The following SLC9D1 variants were observed in gnomAD, a reference collection of about 807,000 sequenced individuals.
SLC9D1 encodes solute carrier family 9 member D1, also known as putative LAG1-interacting protein.
chr13:113,549,621 A>G, the SLC9D1 span: 1 of 1,570,606 alleles, frequency 6.4e-7, no homozygotes, highest in Non-Finnish European at 8.8e-7. Flanking sequence ...CCTTCTGGGA[A>G]GCTCGCACCT....
chr13:113,517,326 G>T, the SLC9D1 span, among the ~76,000 whole-genome samples: 19 of 152,056 alleles, frequency 1.2e-4, no homozygotes, highest in African/African-American at 2.2e-4. Context: ...TCCACCTCCC[G>T]GGTTCACGCC....
At chr13:113,503,578 A>G in the SLC9D1 span, 1 of 1,612,638 alleles carries the variant, frequency 6.2e-7, no homozygotes, top group Non-Finnish European at 8.5e-7. Flanking sequence ...TCTCCAGAAA[A>G]GCTAAGAAAG....
the SLC9D1 span, among the ~76,000 whole-genome samples, chr13:113,525,481 C>T: frequency 6.6e-6 from 1 of 152,266 alleles, no homozygotes; most frequent in Non-Finnish European, 1.5e-5. Flanking sequence ...ACTCCTTCTA[C>T]TTATAAAGAG....
At chr13:113,532,484 C>T in the SLC9D1 span, among the ~76,000 whole-genome samples, 3 of 152,076 alleles carry the variant, frequency 2.0e-5, no homozygotes, top group African/African-American at 7.2e-5. Context: ...TCCCAGCGTC[C>T]AGGAGCTGAT....
At chr13:113,493,231 G>A in the SLC9D1 span, among the ~76,000 whole-genome samples, 1 of 152,216 alleles carries the variant, frequency 6.6e-6, no homozygotes, top group African/African-American at 2.4e-5. Flanking sequence ...GATTGAGGAA[G>A]GAACCAGAAA....
At chr13:113,514,962 C>T in the SLC9D1 span, among the ~76,000 whole-genome samples, 1 of 152,210 alleles carries the variant, frequency 6.6e-6, no homozygotes, top group Non-Finnish European at 1.5e-5. Flanking sequence ...GAGCAGTCCT[C>T]CTGCCTCGGC....
At chr13:113,496,086 G>C in the SLC9D1 span, 118 of 1,046,330 alleles carry the variant, frequency 1.1e-4, no homozygotes, top group Non-Finnish European at 1.5e-4. Flanking sequence ...AAGAGAGAGG[G>C]AGAGTGCGTG....
At chr13:113,525,979 C>T in the SLC9D1 span, among the ~76,000 whole-genome samples, 1 of 151,640 alleles carries the variant, frequency 6.6e-6, no homozygotes, top group African/African-American at 2.4e-5. Flanking sequence ...TAGGAGACGA[C>T]AGCTCTGTGC....
chr13:113,525,573 G>A, the SLC9D1 span, among the ~76,000 whole-genome samples: 1 of 130,020 alleles, frequency 7.7e-6, no homozygotes, highest in South Asian at 2.2e-4. Flanking sequence ...GGAGACGACA[G>A]CTCTGTGCCG....
At chr13:113,532,095 A>G in the SLC9D1 span, among the ~76,000 whole-genome samples, 2 of 152,076 alleles carry the variant, frequency 1.3e-5, no homozygotes, top group African/African-American at 4.8e-5. Context: ...TAGGTGGCAC[A>G]CAGTGCTCTG....
At chr13:113,534,149 G>A in the SLC9D1 span, 543 of 1,613,816 alleles carry the variant, frequency 3.4e-4, 2 homozygotes, top group Admixed American at 1.5e-3. Flanking sequence ...TATCTCATTG[G>A]ACCCTATTAT....
At chr13:113,495,538 C>T in the SLC9D1 span, 31 of 1,410,360 alleles carry the variant, frequency 2.2e-5, no homozygotes, top group Middle Eastern at 4.6e-4. Flanking sequence ...CTCAGTGGGG[C>T]AGAGACCCGT....
At chr13:113,537,366 C>T in the SLC9D1 span, among the ~76,000 whole-genome samples, 1 of 152,234 alleles carries the variant, frequency 6.6e-6, no homozygotes, top group African/African-American at 2.4e-5. Flanking sequence ...ACTTCCTGGC[C>T]CCGTGGGCCG....
At chr13:113,518,635 TC>T in the SLC9D1 span, among the ~76,000 whole-genome samples, 1 of 152,020 alleles carries the variant, frequency 6.6e-6, no homozygotes, top group African/African-American at 2.4e-5. Context: ...GCAGCCTCCC[TC>T]CCGTCTTGCG....
the SLC9D1 span, among the ~76,000 whole-genome samples, chr13:113,509,233 G>A: frequency 6.7e-6 from 1 of 149,706 alleles, no homozygotes; most frequent in Non-Finnish European, 1.5e-5. Flanking sequence ...GGCTTGGTGG[G>A]TGGGTCCCCC....
the SLC9D1 span, among the ~76,000 whole-genome samples, chr13:113,501,084 T>C: frequency 6.6e-6 from 1 of 152,202 alleles, no homozygotes; most frequent in Admixed American, 6.5e-5. Context: ...GCACCCGTCA[T>C]GGCAAAGCCA....
chr13:113,503,543 T>A, the SLC9D1 span: 1 of 1,613,920 alleles, frequency 6.2e-7, no homozygotes, highest in African/African-American at 1.3e-5. Context: ...TGTTTTTTAC[T>A]CTTTTTCTTG....
chr13:113,541,450 T>C, the SLC9D1 span, among the ~76,000 whole-genome samples: 2 of 133,480 alleles, frequency 1.5e-5, no homozygotes, highest in Non-Finnish European at 1.5e-5. Flanking sequence ...ATGTGGATGA[T>C]ACGCACACGA....
chr13:113,495,708 G>A, the SLC9D1 span: 1 of 1,613,170 alleles, frequency 6.2e-7, no homozygotes, highest in Non-Finnish European at 8.5e-7. Context: ...AGGGGTGGCT[G>A]CCATGCAGAG....
Sources: gnomAD v4.1 joint callset for allele counts (sites outside exome capture counted in the v4.1 genomes callset) on GRCh38, gnomAD v4.1.1 for gene constraint, MANE v1.5 for transcripts, NCBI Gene and HGNC (gene_info 2026-07-23, HGNC 2026-07-21) for gene names.